LRP1B: variants seen among roughly 807,000 people sequenced by gnomAD.
LRP1B encodes the protein LDL receptor related protein 1B.
Under a neutral mutation model 556.6 loss-of-function variants are expected in LRP1B, and 217 were observed. That is an observed-to-expected ratio of 0.39 (90% CI 0.35 to 0.44). LRP1B has a LOEUF of 0.44. Among genes scored for constraint, LRP1B ranks in the 20% least tolerant of loss-of-function variants. LRP1B has a pLI of 1.00. For missense variants in LRP1B, 5,053 were observed against 5,620.8 expected, an observed-to-expected ratio of 0.90 and a Z score of 3.23; for synonymous variants, 2,047 against 1,865.8, an observed-to-expected ratio of 1.10 and a Z score of -2.50.
At chr2:140,400,953 G>A (rs1455687211) in intron 66 of LRP1B, among the ~76,000 whole-genome samples, 1 of 152,160 alleles carries the variant, frequency 6.6e-6, no homozygotes, top group Non-Finnish European at 1.5e-5. Flanking sequence ...AGCAGCAGTG[G>A]GAAGTGCCTT....
chr2:141,528,009 C>T (rs1684748081), intron 2 of LRP1B, among the ~76,000 whole-genome samples: 1 of 151,910 alleles, frequency 6.6e-6, no homozygotes, highest in Non-Finnish European at 1.5e-5. Flanking sequence ...GTCATCTGCC[C>T]CTCTTCTAAA....
At chr2:141,346,330 T>C (rs1441951992) in intron 3 of LRP1B, among the ~76,000 whole-genome samples, 1 of 152,088 alleles carries the variant, frequency 6.6e-6, no homozygotes, top group Non-Finnish European at 1.5e-5. Context: ...TGGGATTCAT[T>C]ATAGGGAGAT....
At chr2:140,645,218 T>G (rs1684437309) in intron 41 of LRP1B, among the ~76,000 whole-genome samples, 1 of 152,154 alleles carries the variant, frequency 6.6e-6, no homozygotes, top group Non-Finnish European at 1.5e-5. Context: ...GTTTTGAAGG[T>G]CAATATTTAC....
chr2:141,354,671 C>T (rs542981114), intron 3 of LRP1B, among the ~76,000 whole-genome samples: 5 of 151,962 alleles, frequency 3.3e-5, no homozygotes, highest in South Asian at 4.1e-4. Flanking sequence ...AGTGGAAATA[C>T]GTGTACCTCG....
At chr2:141,755,449 C>T (rs181115298) in intron 2 of LRP1B, among the ~76,000 whole-genome samples, 1 of 152,018 alleles carries the variant, frequency 6.6e-6, no homozygotes, top group African/African-American at 2.4e-5. Context: ...CAAATTAATA[C>T]AACCATATGT....
chr2:140,778,881 GA>G (rs1192396388), intron 32 of LRP1B, among the ~76,000 whole-genome samples: 1 of 151,896 alleles, frequency 6.6e-6, no homozygotes, highest in East Asian at 1.9e-4. Flanking sequence ...GTAAAATATA[GA>G]CCATTGCCAC....
chr2:141,969,041 A>T (rs1364136667), intron 1 of LRP1B, among the ~76,000 whole-genome samples: 1 of 151,026 alleles, frequency 6.6e-6, no homozygotes, highest in Non-Finnish European at 1.5e-5. Context: ...GTTTGCCTAT[A>T]TTATAGCCTA....
chr2:141,884,378 A>T (rs768503480), intron 1 of LRP1B, among the ~76,000 whole-genome samples: 1 of 152,162 alleles, frequency 6.6e-6, no homozygotes, highest in Non-Finnish European at 1.5e-5. Flanking sequence ...CTGTGTCTAA[A>T]AAGAAAAAAA....
At chr2:141,485,364 G>A (rs546157703) in intron 2 of LRP1B, among the ~76,000 whole-genome samples, 60 of 152,220 alleles carry the variant, frequency 3.9e-4, no homozygotes, top group Non-Finnish European at 7.4e-4. Flanking sequence ...GGAGTAAATA[G>A]CAAATAATAT....
At position 140,520,010 on chromosome 2, in the gene LRP1B, T is replaced by C. The variant is rs143780696; in HGVS notation, c.8027-2999A>G. ...GAGAAATAGGAATGCTTTTACACTG[T>C]TTTTGGGAGTGTTCAACCATTGTGG... On this transcript the variant is annotated intron_variant, in intron 49 of 90. Coordinates refer to ENST00000389484, the MANE Select transcript of LRP1B (RefSeq NM_018557.3). Among the ~76,000 whole-genome samples, 822 of 152,128 alleles carry C rather than the reference T, an allele frequency of 5.4e-3. 7 individuals carry two copies. Among genetic ancestry groups the C allele is most frequent in the African/African-American group, 0.019 (792 of 41,542 alleles).
intron 3 of LRP1B, among the ~76,000 whole-genome samples, chr2:141,364,912 T>C (rs911675377): frequency 3.9e-5 from 6 of 152,194 alleles, no homozygotes; most frequent in Non-Finnish European, 5.9e-5. Flanking sequence ...ACTTAAAAAT[T>C]TGTAGTTACT....
chr2:140,947,352 G>A (rs1191204542), intron 20 of LRP1B, among the ~76,000 whole-genome samples: 1 of 152,034 alleles, frequency 6.6e-6, no homozygotes, highest in Non-Finnish European at 1.5e-5. Flanking sequence ...AAAACAATTT[G>A]AGTTGAGAGA....
chr2:140,651,071 G>T (rs1244357863), intron 41 of LRP1B, among the ~76,000 whole-genome samples: 1 of 151,984 alleles, frequency 6.6e-6, no homozygotes, highest in Non-Finnish European at 1.5e-5. Context: ...TCTGAAAAGA[G>T]CACCTTAATT....
At chr2:140,736,631 G>A (rs1328518902) in intron 35 of LRP1B, among the ~76,000 whole-genome samples, 3 of 152,162 alleles carry the variant, frequency 2.0e-5, no homozygotes, top group Admixed American at 6.5e-5. Context: ...ATGTGGAAAG[G>A]ATTCCCTATT....
chr2:140,523,548 A>G (rs1254227436), intron 49 of LRP1B, among the ~76,000 whole-genome samples: 1 of 9,910 alleles, frequency 1.0e-4, no homozygotes, highest in South Asian at 0.17. Context: ...CAATCAGGCT[A>G]GAGAAAGAAA....
intron 75 of LRP1B, 85 bp from the exon 76 acceptor site, chr2:140,353,157 T>C: frequency 7.2e-7 from 1 of 1,397,426 alleles, no homozygotes; most frequent in Non-Finnish European, 9.9e-7. Context: ...GCCAAAATTA[T>C]TTTTAACTTA....
intron 2 of LRP1B, among the ~76,000 whole-genome samples, chr2:141,767,734 G>A (rs556519769): frequency 1.2e-4 from 18 of 152,222 alleles, no homozygotes; most frequent in Admixed American, 1.1e-3. Context: ...GGGAGCCAGA[G>A]AATTGAGAAA....
intron 1 of LRP1B, among the ~76,000 whole-genome samples, chr2:141,956,661 C>T (rs1701263468): frequency 6.6e-6 from 1 of 151,858 alleles, no homozygotes. Flanking sequence ...ATGGCTTTTC[C>T]TCCCTAAAAG....
intron 59 of LRP1B, among the ~76,000 whole-genome samples, chr2:140,479,502 A>G (rs11904593): frequency 0.048 from 7,329 of 152,208 alleles, 219 homozygotes; most frequent in African/African-American, 0.052. Context: ...GCTTGTAACC[A>G]TAACAATAGG....
Sources: gnomAD v4.1 joint callset for allele counts (sites outside exome capture counted in the v4.1 genomes callset) on GRCh38, gnomAD v4.1.1 for gene constraint, MANE v1.5 for transcripts, NCBI Gene and HGNC (gene_info 2026-07-23, HGNC 2026-07-21) for gene names.